The following FAT3 variants were observed in gnomAD, a reference collection of about 807,000 sequenced individuals.
FAT3 encodes the protein FAT atypical cadherin 3, also known as protocadherin Fat 3.
FAT3 carries 95 observed loss-of-function variants against 310.2 expected under a neutral mutation model. That is an observed-to-expected ratio of 0.31 (90% confidence interval 0.26 to 0.36). The LOEUF (loss-of-function observed/expected upper bound fraction) is 0.36. Among genes scored for constraint, FAT3 ranks in the 10% least tolerant of loss-of-function variants. The pLI, the probability that FAT3 is intolerant of heterozygous loss-of-function variation, is 1.00. For missense variants in FAT3, 5,408 were observed against 5,715.6 expected, an observed-to-expected ratio of 0.95 and a Z score of 1.74; for synonymous variants, 2,314 against 2,192.9, an observed-to-expected ratio of 1.06 and a Z score of -1.54.
chr11:92,712,076 G>A (rs1230189865), intron 4 of FAT3, among the ~76,000 whole-genome samples: 1 of 152,160 alleles, frequency 6.6e-6, no homozygotes, highest in Non-Finnish European at 1.5e-5. Context: ...ATAGCTGTCT[G>A]CATTCTCTAC....
chr11:92,402,787 A>T (rs1432633247), intron 2 of FAT3, among the ~76,000 whole-genome samples: 1 of 151,362 alleles, frequency 6.6e-6, no homozygotes, highest in East Asian at 1.9e-4. Flanking sequence ...AATAATAGAC[A>T]CAAAACCATA....
intron 9 of FAT3, among the ~76,000 whole-genome samples, chr11:92,796,166 T>G (rs1271136010): frequency 6.6e-6 from 1 of 152,178 alleles, no homozygotes; most frequent in Non-Finnish European, 1.5e-5. Context: ...CTTATAAAGT[T>G]CTGTGGATCA....
At chr11:92,464,980 A>C (rs1391839487) in intron 2 of FAT3, among the ~76,000 whole-genome samples, 1 of 152,152 alleles carries the variant, frequency 6.6e-6, no homozygotes, top group Admixed American at 6.6e-5. Context: ...TTAATTTACT[A>C]TACATAATGC....
At chr11:92,407,441 G>C (rs1397863059) in intron 2 of FAT3, among the ~76,000 whole-genome samples, 1 of 152,114 alleles carries the variant, frequency 6.6e-6, no homozygotes, top group Non-Finnish European at 1.5e-5. Context: ...AATATTTGTT[G>C]AGGGGTAACA....
chr11:92,483,773 A>G (rs1358764040), intron 2 of FAT3, among the ~76,000 whole-genome samples: 3 of 152,348 alleles, frequency 2.0e-5, no homozygotes, highest in East Asian at 1.9e-4. Context: ...AACCTAGATC[A>G]TTGCATAGTA....
At chr11:92,796,717 T>G (rs769005781) in intron 9 of FAT3, among the ~76,000 whole-genome samples, 17 of 152,142 alleles carry the variant, frequency 1.1e-4, no homozygotes, top group Non-Finnish European at 1.8e-4. Context: ...AAAAGCAACT[T>G]GGTGAGGGAT....
intron 3 of FAT3, chr11:92,559,606 G>T: frequency 5.7e-6 from 1 of 174,844 alleles, no homozygotes; most frequent in Non-Finnish European, 1.3e-5. Flanking sequence ...TTGATCTCCT[G>T]GTCCCAAATG....
At chr11:92,769,504 A>G (rs1024997342) in intron 6 of FAT3, among the ~76,000 whole-genome samples, 1 of 152,146 alleles carries the variant, frequency 6.6e-6, no homozygotes, top group Non-Finnish European at 1.5e-5. Flanking sequence ...CTGTATCTTT[A>G]TTCTGTTGGC....
intron 22 of FAT3, among the ~76,000 whole-genome samples, chr11:92,875,569 G>A (rs1480475777): frequency 6.6e-6 from 1 of 151,960 alleles, no homozygotes; most frequent in African/African-American, 2.4e-5. Flanking sequence ...TGGTAAACCA[G>A]TTCTCTAAAA....
chr11:92,380,818 TAA>T (rs1183778942), intron 2 of FAT3, among the ~76,000 whole-genome samples: 2 of 152,340 alleles, frequency 1.3e-5, no homozygotes, highest in East Asian at 1.9e-4. Flanking sequence ...TCTGATGGGA[TAA>T]AGTCTTTGGA....
At chr11:92,311,018 AT>A (rs1947287304) in intron 1 of FAT3, among the ~76,000 whole-genome samples, 1 of 151,642 alleles carries the variant, frequency 6.6e-6, no homozygotes, top group Non-Finnish European at 1.5e-5. Flanking sequence ...ATATATACAC[AT>A]ATATGTATAT....
chr11:92,762,364 A>G (rs1006281901), intron 5 of FAT3, among the ~76,000 whole-genome samples, 194 bp downstream of exon 5: 2 of 152,048 alleles, frequency 1.3e-5, no homozygotes, highest in Admixed American at 1.3e-4. Context: ...TGACGAGACA[A>G]TTTCCTTTGG....
intron 2 of FAT3, among the ~76,000 whole-genome samples, chr11:92,430,082 T>C (rs755635152): frequency 1.4e-4 from 21 of 152,166 alleles, no homozygotes; most frequent in Non-Finnish European, 2.4e-4. Flanking sequence ...TTCCTTTTCA[T>C]TCTTTATTCT....
At chr11:92,545,279 C>A (rs1278019279) in intron 3 of FAT3, among the ~76,000 whole-genome samples, 1 of 152,174 alleles carries the variant, frequency 6.6e-6, no homozygotes, top group African/African-American at 2.4e-5. Context: ...TCATGTGCCC[C>A]TTCCCTGCTT....
intron 13 of FAT3, among the ~76,000 whole-genome samples, chr11:92,818,157 A>G (rs1226653389): frequency 6.6e-6 from 1 of 152,212 alleles, no homozygotes; most frequent in Non-Finnish European, 1.5e-5. Flanking sequence ...TTTGATGTCA[A>G]ATCTTCTATC....
intron 1 of FAT3, among the ~76,000 whole-genome samples, chr11:92,233,661 C>T (rs1409243769): frequency 6.6e-6 from 1 of 152,050 alleles, no homozygotes; most frequent in Admixed American, 6.5e-5. Context: ...AACAATGGGA[C>T]TTATATTTAT....
rs1947275125 is a variant in FAT3 at position 92,799,593 on chromosome 11, T to G, written c.6580T>G (p.Ser2194Ala). 1.9e-6 allele frequency: 3 copies of G among 1,613,832 alleles called. No homozygotes were observed. The highest frequency in any genetic ancestry group is 2.5e-6 in the Non-Finnish European group (3 of 1,179,848). The change falls in exon 10 of 28, where the codon TCT becomes GCT. Residue 2194 changes from serine (S) to alanine (A), a missense_variant. Around this residue, in one of 5 missense-constraint regions of FAT3, gnomAD observed 4,588 missense variants for 4,809.8 expected, o/e 0.95. Coordinates refer to ENST00000525166, the MANE Select transcript of FAT3 (RefSeq NM_001367949.2). ...GTTTGATAAGCCCTTTTATACAGCA[T>G]CTGTCAATGAAGACATCAGAATGAA... ...PVFDKPFYTA[S>A]VNEDIRMNTP...
chr11:92,835,039 T>C lies in FAT3; in HGVS notation c.10041T>C (p.Ser3347=). 6.2e-7 allele frequency: 1 copy of C among 1,613,672 alleles called. No individual in the cohort carries two copies. Among genetic ancestry groups the C allele is most frequent in the Non-Finnish European group, 8.5e-7 (1 of 1,179,800 alleles). Residue 3347 remains serine (S), a synonymous_variant, in exon 15 of 28, where the codon AGT becomes AGC. Transcript: ENST00000525166. ...CCAAGTTCAGCCAAGACGTCTACAG[T>C]GCGGTTATCAGTGAAGACGCCTTGG... The part of the protein sequence containing the change: ...NPPKFSQDVY[S]AVISEDALVG...
intron 1 of FAT3, among the ~76,000 whole-genome samples, chr11:92,262,249 A>G (rs1318841325): frequency 6.6e-6 from 1 of 152,146 alleles, no homozygotes; most frequent in Admixed American, 6.6e-5. Flanking sequence ...ATTACAGCTC[A>G]TGGGTAGTTT....
Sources: allele counts gnomAD v4.1 joint callset (sites outside exome capture counted in the v4.1 genomes callset), GRCh38; gene constraint gnomAD v4.1.1; regional missense constraint gnomAD v4.1.1; transcripts MANE v1.5; gene names NCBI Gene and HGNC (gene_info 2026-07-23, HGNC 2026-07-21).